Variants in ZNF445 observed in about 807,000 individuals in gnomAD.
The protein encoded by ZNF445 is zinc finger protein 168.
ZNF445 carries 19 observed loss-of-function variants against 93.9 expected under a neutral mutation model. The observed-to-expected ratio is 0.20, with a 90% confidence interval of 0.14 to 0.30. ZNF445 has a LOEUF of 0.30. Ranked by LOEUF, ZNF445 falls within the 10% of genes least tolerant of loss-of-function variation. The pLI, the probability that ZNF445 is intolerant of heterozygous loss-of-function variation, is 1.00. For missense variants in ZNF445, 1,058 were observed against 1,259.4 expected (o/e 0.84, Z 2.42); for synonymous variants, 449 against 446.3 (o/e 1.01, Z -0.08).
intron 1 of ZNF445, among the ~76,000 whole-genome samples, chr3:44,460,900 AGT>A (rs1479707013): frequency 6.6e-6 from 1 of 152,134 alleles, no homozygotes; most frequent in African/African-American, 2.4e-5. Context: ...CCCATGGTTC[AGT>A]GGCCCCCCTC....
chr3:44,449,661 G>C (rs758545162), intron 6 of ZNF445, 38 bp from the exon 7 acceptor site: 1 of 1,529,860 alleles, frequency 6.5e-7, no homozygotes, highest in Admixed American at 1.7e-5. Context: ...AAGGGAGATG[G>C]ATGACACAGA....
intron 3 of ZNF445, among the ~76,000 whole-genome samples, chr3:44,454,635 C>T (rs1350528569): frequency 6.6e-6 from 1 of 152,186 alleles, no homozygotes; most frequent in Non-Finnish European, 1.5e-5. Context: ...CCATGTTGCC[C>T]AGGCTGGTCA....
intron 1 of ZNF445, among the ~76,000 whole-genome samples, chr3:44,468,844 A>G (rs1339407225): frequency 2.0e-5 from 3 of 152,108 alleles, no homozygotes; most frequent in African/African-American, 7.2e-5. Flanking sequence ...GAGTAATAAT[A>G]AAACCCCAGT....
chr3:44,455,980 T>C (rs1698024082), intron 2 of ZNF445, among the ~76,000 whole-genome samples: 1 of 152,246 alleles, frequency 6.6e-6, no homozygotes, highest in Non-Finnish European at 1.5e-5. Flanking sequence ...CGTATGCATG[T>C]ACTGGAAGAT....
intron 1 of ZNF445, among the ~76,000 whole-genome samples, chr3:44,463,001 ATT>A (rs916508084): frequency 7.5e-6 from 1 of 133,576 alleles, no homozygotes; most frequent in African/African-American, 2.8e-5. Context: ...CAACTGAATT[ATT>A]TTTTTCTTTG....
chr3:44,459,271 G>T (rs969766607), intron 1 of ZNF445, among the ~76,000 whole-genome samples: 4 of 152,094 alleles, frequency 2.6e-5, no homozygotes, highest in African/African-American at 9.7e-5. Flanking sequence ...TTTGTGAGCT[G>T]CTCTGCCAAA....
intron 1 of ZNF445, among the ~76,000 whole-genome samples, chr3:44,469,786 C>G (rs1698240692): frequency 6.7e-6 from 1 of 149,470 alleles, no homozygotes; most frequent in African/African-American, 2.4e-5. Flanking sequence ...AAAACAAAAA[C>G]AAAACAAAAC....
intron 1 of ZNF445, among the ~76,000 whole-genome samples, chr3:44,464,985 T>C (rs1698174028): frequency 6.6e-6 from 1 of 151,548 alleles, no homozygotes; most frequent in African/African-American, 2.4e-5. Flanking sequence ...CAGAATTGCT[T>C]GAACCCGGCA....
Position 44,440,524 on chromosome 3 carries a change from G to A in ZNF445, c.*6051C>T, listed in dbSNP as rs1697790538. The A allele has an allele frequency of 6.6e-6, 1 of 152,146 alleles. No individual in the cohort carries two copies. 9.4% of individuals were successfully genotyped at this position (152,146 alleles called of 1,614,324 possible). A position where few individuals can be genotyped will look rare whatever the true frequency, so the allele number is the denominator to read the frequency against. ...GAACATCCTCATTTTTAAAAAAACT[G>A]TGGCCTGGTATTTCATCATAGATGT... On this transcript the variant is annotated 3_prime_UTR_variant, in exon 8 of 8. Transcript: ENST00000396077.
chr3:44,451,035 GTA>G, intron 4 of ZNF445, 73 bp from the exon 5 acceptor site: 9 of 1,284,002 alleles, frequency 7.0e-6, no homozygotes, highest in African/African-American at 1.5e-5. Context: ...CTTCCCCCCA[GTA>G]GAGGACTCCT....
chr3:44,476,108 TGA>T (rs1272719534), intron 1 of ZNF445, among the ~76,000 whole-genome samples: 2 of 152,244 alleles, frequency 1.3e-5, no homozygotes, highest in African/African-American at 2.4e-5. Flanking sequence ...ACAATTCGCC[TGA>T]GAGTCACAGA....
chr3:44,473,106 T>C (rs1698293318), intron 1 of ZNF445, among the ~76,000 whole-genome samples: 1 of 152,160 alleles, frequency 6.6e-6, no homozygotes, highest in Non-Finnish European at 1.5e-5. Flanking sequence ...AGTGTAAGTG[T>C]ATAGAAGGTA....
intron 1 of ZNF445, among the ~76,000 whole-genome samples, chr3:44,474,820 T>G (rs1698321332): frequency 6.6e-6 from 1 of 152,158 alleles, no homozygotes; most frequent in African/African-American, 2.4e-5. Context: ...ACTCTGAAAG[T>G]CTACAATTAT....
At chr3:44,457,034 C>T (rs552244014) in intron 2 of ZNF445, among the ~76,000 whole-genome samples, 37 of 152,244 alleles carry the variant, frequency 2.4e-4, no homozygotes, top group African/African-American at 8.9e-4. Flanking sequence ...GAGGCTGAGG[C>T]ACAAGAATTG....
At position 44,448,488 on chromosome 3, in the gene ZNF445, T is replaced by C. The variant is rs745684294; in HGVS notation, c.1183A>G (p.Ser395Gly). 3.7e-6 allele frequency: 6 copies of C among 1,613,644 alleles called. No individual in the cohort carries two copies. The highest frequency in any genetic ancestry group is 1.3e-5 in the African/African-American group (1 of 74,846). Residue 395 changes from serine to glycine, a missense_variant, in exon 8 of 8, where the codon AGT becomes GGT. Around this residue, in one of 3 missense-constraint regions of ZNF445, gnomAD observed 657 missense variants for 746.4 expected, o/e 0.88. Coordinates refer to ENST00000396077, the MANE Select transcript of ZNF445 (RefSeq NM_181489.6). ...TATGTAACATGTTTTAAGTCAAGAC[T>C]ATTACTTCCTGATACTTCAGAGTCT... ...GKDSEVSGSN[S>G]LDLKHVTYLR...
In ZNF445 at chr3:44,455,564, G is replaced by C. The variant is rs1375246479; in HGVS notation, c.-15C>G. 1.9e-6 allele frequency: 3 copies of C among 1,571,646 alleles called. No individual in the cohort carries two copies. Among genetic ancestry groups the C allele is most frequent in the South Asian group, 1.2e-5 (1 of 83,026 alleles). On this transcript the variant is annotated 5_prime_UTR_variant, in exon 3 of 8. Transcript: ENST00000396077. ...CCTGGAGGCATCACTCCTGTTCAGG[G>C]ACTAACCAGAAGAGTGCGAACCAAG...
intron 1 of ZNF445, among the ~76,000 whole-genome samples, chr3:44,464,398 T>C (rs2125683698): frequency 6.6e-6 from 1 of 152,340 alleles, no homozygotes; most frequent in Admixed American, 6.5e-5. Flanking sequence ...CTGAATCTTC[T>C]GTGTATTTCT....
In ZNF445 at chr3:44,448,647, C is replaced by T. The variant is rs1316377383; in HGVS notation, c.1024G>A (p.Ala342Thr). The T allele has an allele frequency of 1.9e-6, 3 of 1,614,228 alleles. No homozygotes were observed. Among genetic ancestry groups the T allele is most frequent in the Non-Finnish European group, 2.5e-6 (3 of 1,180,048 alleles). Reference sequence around the variant, plus strand: ...CCAATTCCCTCAGAAACACTTGTCGCAGGACATCCTGATGACACAGCTAAG... The same window carrying T: ...CCAATTCCCTCAGAAACACTTGTCGTAGGACATCCTGATGACACAGCTAAG... ...ETLAVSSGCP[A>T]TSVSEGIGLR... Residue 342 changes from alanine to threonine, a missense_variant, in exon 8 of 8, where the codon GCG (alanine) becomes ACG (threonine). Around this residue, in one of 3 missense-constraint regions of ZNF445, gnomAD observed 657 missense variants for 746.4 expected, o/e 0.88. Coordinates refer to ENST00000396077, the MANE Select transcript of ZNF445 (RefSeq NM_181489.6).
Position 44,448,057 on chromosome 3 carries a change from C to G in ZNF445, c.1614G>C (p.Val538=). ...CACATAAATCGCATTTATAAGGCTT[C>G]ACTCCAGTGTGAATTTTCTCATGCC... is the stretch of plus-strand genomic sequence containing the variant. The part of the protein sequence containing the change: ...CARHEKIHTG[V]KPYKCDLCEK... Residue 538 remains valine (V), a synonymous_variant, in exon 8 of 8, where the codon GTG becomes GTC. Transcript: ENST00000396077. 1 of 1,612,360 alleles carries G rather than the reference C, an allele frequency of 6.2e-7. No homozygotes were observed. Among genetic ancestry groups the G allele is most frequent in the Non-Finnish European group, 8.5e-7 (1 of 1,180,024 alleles).
Sources: gnomAD v4.1 joint callset for allele counts (sites outside exome capture counted in the v4.1 genomes callset) on GRCh38, gnomAD v4.1.1 for gene constraint, gnomAD v4.1.1 regional missense constraint, MANE v1.5 for transcripts, NCBI Gene and HGNC (gene_info 2026-07-23, HGNC 2026-07-21) for gene names.